Variants in SEMA3C observed in about 807,000 individuals in gnomAD.
SEMA3C encodes the protein semaphorin 3C.
Under a neutral mutation model 89.4 loss-of-function variants are expected in SEMA3C, and 47 were observed. That is an observed-to-expected ratio of 0.53 (90% CI 0.42 to 0.67). The LOEUF (loss-of-function observed/expected upper bound fraction) is 0.67. Ranked by LOEUF, SEMA3C falls within the 30% of genes least tolerant of loss-of-function variation. The probability of loss-of-function intolerance (pLI) is 0.00; values close to 1 mark genes in which losing one functional copy is unlikely to be tolerated. For synonymous variants in SEMA3C, 310 were observed against 320.2 expected, an observed-to-expected ratio of 0.97 and a Z score of 0.34; for missense variants, 839 against 929.1, an observed-to-expected ratio of 0.90 and a Z score of 1.26.
chr7:80,881,164 AACACACACACAC>A lies in SEMA3C; in HGVS notation c.103+35503_103+35514del, dbSNP rs71802410. ...GTTACTTTTGTTGCCTGGAGAAAGA[AACACACACACAC>A]ACACACACACACACACACACACACA... On this transcript the variant is annotated intron_variant, in intron 2 of 17. Transcript: ENST00000265361. 7.8e-3 allele frequency among the ~76,000 whole-genome samples: 1,055 copies of A among 135,522 alleles called. 17 individuals are homozygous for A. Among genetic ancestry groups the A allele is most frequent in the African/African-American group, 0.026 (953 of 36,908 alleles). The allele number at this position is 135,522 out of a possible 152,430, so 88.9% of individuals were successfully genotyped here. A position where few individuals can be genotyped will look rare whatever the true frequency, so the allele number is the denominator to read the frequency against.
At chr7:80,870,211 G>T (rs962012075) in intron 2 of SEMA3C, among the ~76,000 whole-genome samples, 1 of 151,980 alleles carries the variant, frequency 6.6e-6, no homozygotes, top group Non-Finnish European at 1.5e-5. Flanking sequence ...CAATTACCTT[G>T]CCCCACCTGA....
chr7:80,782,914 T>C (rs547267972), intron 12 of SEMA3C, among the ~76,000 whole-genome samples: 26 of 152,176 alleles, frequency 1.7e-4, no homozygotes, highest in Non-Finnish European at 3.2e-4. Context: ...ATCATTATAA[T>C]AGTAATAAAA....
intron 2 of SEMA3C, among the ~76,000 whole-genome samples, chr7:80,902,773 C>T (rs1248980636): frequency 1.3e-5 from 2 of 152,102 alleles, no homozygotes; most frequent in East Asian, 3.9e-4. Flanking sequence ...CAATGAAATC[C>T]CAGGTTTATT....
At chr7:80,791,944 T>C (rs1029357783) in intron 11 of SEMA3C, among the ~76,000 whole-genome samples, 3 of 152,168 alleles carry the variant, frequency 2.0e-5, no homozygotes, top group African/African-American at 7.2e-5. Context: ...CTTTGACCAG[T>C]TAACATTACC....
At chr7:80,830,840 A>G (rs1055553011) in intron 2 of SEMA3C, among the ~76,000 whole-genome samples, 14 of 152,148 alleles carry the variant, frequency 9.2e-5, no homozygotes, top group African/African-American at 3.4e-4. Context: ...TGAGGAGAGC[A>G]CGTAAGGGGA....
chr7:80,830,496 A>G (rs1003149792), intron 2 of SEMA3C, among the ~76,000 whole-genome samples: 2 of 152,220 alleles, frequency 1.3e-5, no homozygotes, highest in African/African-American at 2.4e-5. Context: ...AATCCCTAAA[A>G]TTATTAGGAC....
At chr7:80,808,932 G>A (rs887597352) in intron 6 of SEMA3C, among the ~76,000 whole-genome samples, 41 of 151,902 alleles carry the variant, frequency 2.7e-4, no homozygotes, top group African/African-American at 9.4e-4. Context: ...ACGCCACCAC[G>A]CCCGGCTCAT....
At chr7:80,825,949 T>C (rs890257295) in intron 4 of SEMA3C, among the ~76,000 whole-genome samples, 3 of 152,052 alleles carry the variant, frequency 2.0e-5, no homozygotes, top group Admixed American at 1.3e-4. Context: ...TTTTTCTGGA[T>C]TTTTTCCCCC....
chr7:80,765,313 A>G (rs1053629227), intron 12 of SEMA3C, 70 bp from the exon 13 acceptor site: 1 of 1,068,326 alleles, frequency 9.4e-7, no homozygotes, highest in South Asian at 1.4e-5. Context: ...ACATAGGACT[A>G]CTGACTTGGA....
At chr7:80,841,420 T>G (rs201370908) in intron 2 of SEMA3C, among the ~76,000 whole-genome samples, 2 of 152,302 alleles carry the variant, frequency 1.3e-5, no homozygotes, top group East Asian at 3.9e-4. Context: ...TTAAAAGGAC[T>G]GTAATTACCC....
At position 80,749,535 on chromosome 7, in the gene SEMA3C, T is replaced by A. The variant is rs140742156; in HGVS notation, c.1712-507A>T. Among the ~76,000 whole-genome samples the A allele has an allele frequency of 6.0e-3, 915 of 152,228 alleles. 16 individuals are homozygous for A. The highest frequency in any genetic ancestry group is 0.021 in the African/African-American group (866 of 41,532). On this transcript the variant is annotated intron_variant, in intron 16 of 17. Coordinates refer to ENST00000265361, the MANE Select transcript of SEMA3C (RefSeq NM_006379.5). ...AGAAAGTATTGTGGCCTTGGTGGAA[T>A]GTAGTGGTTGAGAACACTGTCTTTG...
chr7:80,865,266 A>G (rs1256246439), intron 2 of SEMA3C, among the ~76,000 whole-genome samples: 4 of 152,162 alleles, frequency 2.6e-5, no homozygotes, highest in Non-Finnish European at 4.4e-5. Context: ...GAGATACAGA[A>G]ACTTTTTTTT....
intron 2 of SEMA3C, among the ~76,000 whole-genome samples, chr7:80,836,963 T>C (rs116849123): frequency 0.014 from 2,102 of 152,238 alleles, 62 homozygotes; most frequent in Admixed American, 0.067. Context: ...CCTTGAATGG[T>C]TTTCTATTAG....
At chr7:80,888,468 A>T (rs534012046) in intron 2 of SEMA3C, among the ~76,000 whole-genome samples, 158 of 152,198 alleles carry the variant, frequency 1.0e-3, no homozygotes, top group African/African-American at 3.5e-3. Flanking sequence ...CTGTCTAAAA[A>T]TAAATAAATA....
Position 80,745,063 on chromosome 7 carries a change from G to A in SEMA3C, c.2087C>T (p.Ala696Val). The A allele has an allele frequency of 6.2e-7, 1 of 1,614,080 alleles. No individual in the cohort carries two copies. The highest frequency in any genetic ancestry group is 8.5e-7 in the Non-Finnish European group (1 of 1,179,986). ...LPFHPKDIMG[A>V]FSHSEMQMIN... Reference sequence around the variant, plus strand: ...CATCTGCATTTCTGAGTGGCTGAATGCCCCCATGATGTCCTTCGGGTGGAA... The same window carrying A: ...CATCTGCATTTCTGAGTGGCTGAATACCCCCATGATGTCCTTCGGGTGGAA... The change falls in exon 18 of 18, where the codon GCA (alanine) becomes GTA (valine). Residue 696 changes from alanine to valine, a missense_variant. Ala to Val is a moderately conservative substitution (Grantham distance 64). Coordinates refer to ENST00000265361, the MANE Select transcript of SEMA3C (RefSeq NM_006379.5).
chr7:80,876,505 G>A (rs12673546), intron 2 of SEMA3C, among the ~76,000 whole-genome samples: 1,854 of 152,090 alleles, frequency 0.012, 29 homozygotes, highest in African/African-American at 0.039. Flanking sequence ...TGCCTCATTC[G>A]CCCCATCTAT....
intron 2 of SEMA3C, among the ~76,000 whole-genome samples, chr7:80,857,637 A>T (rs1306407943): frequency 6.6e-6 from 1 of 152,214 alleles, no homozygotes; most frequent in East Asian, 1.9e-4. Flanking sequence ...TATCTTTATA[A>T]GCATTTAAAT....
intron 2 of SEMA3C, among the ~76,000 whole-genome samples, chr7:80,880,992 G>A (rs1375389052): frequency 1.3e-5 from 2 of 151,788 alleles, no homozygotes; most frequent in Non-Finnish European, 2.9e-5. Flanking sequence ...ACCCTTTAAG[G>A]GAGTCTCTTA....
At chr7:80,776,147 A>G (rs1788544750) in intron 12 of SEMA3C, among the ~76,000 whole-genome samples, 1 of 152,110 alleles carries the variant, frequency 6.6e-6, no homozygotes, top group African/African-American at 2.4e-5. Flanking sequence ...TGAACACCGT[A>G]TATGTACAAG....
Sources: allele counts gnomAD v4.1 joint callset (sites outside exome capture counted in the v4.1 genomes callset), GRCh38; gene constraint gnomAD v4.1.1; transcripts MANE v1.5; gene names NCBI Gene and HGNC (gene_info 2026-07-23, HGNC 2026-07-21).